Variants in DLGAP2 observed in about 807,000 individuals in gnomAD.
DLGAP2 encodes the protein disks large-associated protein 2.
DLGAP2 carries 26 observed loss-of-function variants against 100.3 expected under a neutral mutation model. That is an observed-to-expected ratio of 0.26 (90% CI 0.19 to 0.36). The LOEUF (loss-of-function observed/expected upper bound fraction) is 0.36, where lower values mean the gene tolerates loss of function less well. Ranked by LOEUF, DLGAP2 falls within the 10% of genes least tolerant of loss-of-function variation. DLGAP2 has a pLI of 1.00. For missense variants in DLGAP2, 1,858 were observed against 1,453.2 expected (o/e 1.28, Z -4.53); for synonymous variants, 886 against 630.1 (o/e 1.41, Z -6.08).
At chr8:1,357,534 C>A (rs896373393) in intron 3 of DLGAP2, among the ~76,000 whole-genome samples, 17 of 152,036 alleles carry the variant, frequency 1.1e-4, no homozygotes, top group Admixed American at 1.1e-3. Flanking sequence ...AGTGAGACAG[C>A]AAATATTTCC....
intron 3 of DLGAP2, among the ~76,000 whole-genome samples, chr8:1,304,583 A>G (rs940901992): frequency 2.6e-4 from 40 of 152,200 alleles, no homozygotes; most frequent in African/African-American, 9.6e-4. Context: ...GTAGGATGAG[A>G]AAAAAGATGA....
chr8:1,440,024 T>G (rs1205950113), intron 3 of DLGAP2, among the ~76,000 whole-genome samples: 2 of 152,196 alleles, frequency 1.3e-5, no homozygotes, highest in African/African-American at 4.8e-5. Flanking sequence ...AGTGAGGATG[T>G]AAAGATACAG....
At chr8:1,188,344 C>G (rs1183392929) in intron 2 of DLGAP2, among the ~76,000 whole-genome samples, 3 of 142,114 alleles carry the variant, frequency 2.1e-5, no homozygotes, top group Non-Finnish European at 3.0e-5. Flanking sequence ...GAATCTCACA[C>G]ACCCGGGACC....
At chr8:1,044,611 G>A (rs1209645601) in intron 2 of DLGAP2, among the ~76,000 whole-genome samples, 3 of 152,168 alleles carry the variant, frequency 2.0e-5, no homozygotes, top group Non-Finnish European at 4.4e-5. Context: ...TGTTTCTCCC[G>A]CATGTATCCC....
At chr8:1,015,036 G>A (rs1389077912) in intron 2 of DLGAP2, among the ~76,000 whole-genome samples, 59 of 4,652 alleles carry the variant, frequency 0.013, no homozygotes, top group Admixed American at 0.028. Context: ...AGGACAGACG[G>A]CGCCTCCACT....
chr8:1,675,567 C>T (rs1420958050), intron 10 of DLGAP2, among the ~76,000 whole-genome samples: 4 of 152,196 alleles, frequency 2.6e-5, no homozygotes, highest in African/African-American at 9.7e-5. Context: ...CAAATGTTAA[C>T]GTGCAGCTCC....
intron 3 of DLGAP2, among the ~76,000 whole-genome samples, chr8:1,496,981 G>A (rs761216675): frequency 6.6e-5 from 10 of 152,096 alleles, no homozygotes; most frequent in South Asian, 2.1e-4. Flanking sequence ...CCAGTCACAC[G>A]TTATGGAATA....
intron 3 of DLGAP2, among the ~76,000 whole-genome samples, chr8:1,296,767 T>G (rs886155326): frequency 2.6e-5 from 4 of 152,172 alleles, no homozygotes; most frequent in African/African-American, 9.7e-5. Context: ...AGTGAGTCCC[T>G]GAACGTGCCA....
At chr8:1,077,395 C>T (rs1240476653) in intron 2 of DLGAP2, among the ~76,000 whole-genome samples, 1 of 152,182 alleles carries the variant, frequency 6.6e-6, no homozygotes, top group Non-Finnish European at 1.5e-5. Flanking sequence ...CCATCATATC[C>T]GTGGTTCTCA....
chr8:1,318,731 A>G (rs1800823962), intron 3 of DLGAP2, among the ~76,000 whole-genome samples: 1 of 151,442 alleles, frequency 6.6e-6, no homozygotes, highest in South Asian at 2.1e-4. Flanking sequence ...TTCGTACTTA[A>G]TATATTTTTA....
rs149098062 is a variant in DLGAP2 at position 1,606,480 on chromosome 8, A to G, written c.1443-20260A>G. 3.6e-4 allele frequency among the ~76,000 whole-genome samples: 55 copies of G among 152,194 alleles called. No homozygotes were observed. In the East Asian group the frequency reaches 0.01, roughly 29 times the overall value. Reference sequence around the variant, plus strand: ...CCTGTCGTGGCCATGGAACCCCACAATACTGTATCTTTGTGTCTGGCTTCT... The same window carrying G: ...CCTGTCGTGGCCATGGAACCCCACAGTACTGTATCTTTGTGTCTGGCTTCT... On this transcript the variant is annotated intron_variant, in intron 6 of 14. Transcript: ENST00000637795.
intron 2 of DLGAP2, chr8:1,018,629 C>T (rs748883624): frequency 6.6e-6 from 1 of 152,206 alleles, no homozygotes; most frequent in Admixed American, 6.5e-5. Flanking sequence ...CTCATAATTA[C>T]GTTGAGGTCT....
chr8:1,144,453 T>C (rs1326069005), intron 2 of DLGAP2, among the ~76,000 whole-genome samples: 1 of 152,222 alleles, frequency 6.6e-6, no homozygotes, highest in Non-Finnish European at 1.5e-5. Context: ...TCTTGTTTCT[T>C]TGAGGCTTCC....
At chr8:1,592,247 A>G (rs532946796) in intron 6 of DLGAP2, among the ~76,000 whole-genome samples, 16 of 152,282 alleles carry the variant, frequency 1.1e-4, no homozygotes, top group African/African-American at 3.6e-4. Context: ...TTCACAAAAT[A>G]CGCCCCCATC....
chr8:1,580,410 G>A (rs948519424), intron 6 of DLGAP2, among the ~76,000 whole-genome samples: 17 of 152,176 alleles, frequency 1.1e-4, no homozygotes, highest in African/African-American at 3.9e-4. Flanking sequence ...TAGGTTCATG[G>A]AAATTACCCA....
chr8:874,344 A>G (rs1033904498), intron 1 of DLGAP2, among the ~76,000 whole-genome samples: 2 of 152,150 alleles, frequency 1.3e-5, no homozygotes, highest in Non-Finnish European at 2.9e-5. Flanking sequence ...ATTTACAGCT[A>G]TAAATTTCCC....
intron 2 of DLGAP2, among the ~76,000 whole-genome samples, chr8:1,182,089 A>C (rs959649788): frequency 2.0e-5 from 3 of 152,192 alleles, no homozygotes; most frequent in African/African-American, 7.2e-5. Context: ...CTTGCTAAGG[A>C]GCTGATCTTC....
intron 3 of DLGAP2, among the ~76,000 whole-genome samples, chr8:1,264,940 A>T (rs56010431): frequency 2.8e-4 from 42 of 152,160 alleles, no homozygotes; most frequent in African/African-American, 9.9e-4. Context: ...GTTCCCCTGC[A>T]CATGGTCTCT....
At chr8:1,142,546 C>A (rs1585099004) in intron 2 of DLGAP2, among the ~76,000 whole-genome samples, 1 of 152,298 alleles carries the variant, frequency 6.6e-6, no homozygotes, top group East Asian at 1.9e-4. Context: ...GAAGATAAAA[C>A]ATGGCATTTC....
Sources: gnomAD v4.1 joint callset for allele counts (sites outside exome capture counted in the v4.1 genomes callset) on GRCh38, gnomAD v4.1.1 for gene constraint, MANE v1.5 for transcripts, NCBI Gene and HGNC (gene_info 2026-07-23, HGNC 2026-07-21) for gene names.